Variants in LHFPL3 observed in about 807,000 individuals in gnomAD.
LHFPL3 encodes the protein LHFPL tetraspan subfamily member 3, also known as LHFPL tetraspan subfamily member 3 protein.
A neutral mutation model predicts 19.3 loss-of-function variants in LHFPL3; 5 were observed. The observed-to-expected ratio is 0.26, with a 90% CI of 0.14 to 0.54. The LOEUF is 0.54. Among genes scored for constraint, LHFPL3 ranks in the 20% least tolerant of loss-of-function variants. The pLI, the probability that LHFPL3 is intolerant of heterozygous loss-of-function variation, is 0.94. For missense variants in LHFPL3, 249 were observed against 307.4 expected, an observed-to-expected ratio of 0.81 and a Z score of 1.42; for synonymous variants, 133 against 126.2, an observed-to-expected ratio of 1.05 and a Z score of -0.36.
chr7:104,899,017 C>T (rs951715186), intron 2 of LHFPL3, among the ~76,000 whole-genome samples: 3 of 151,240 alleles, frequency 2.0e-5, no homozygotes, highest in East Asian at 1.9e-4. Context: ...GTGGGAAGAT[C>T]GCTTGAGCCC....
At chr7:104,549,768 G>A (rs373106722) in intron 1 of LHFPL3, among the ~76,000 whole-genome samples, 3 of 152,154 alleles carry the variant, frequency 2.0e-5, no homozygotes, top group Non-Finnish European at 2.9e-5. Context: ...ATTATGTTGA[G>A]TGGGCACTGG....
In LHFPL3 at chr7:104,359,826, G is replaced by T. The variant is rs77978181; in HGVS notation, c.445+30602G>T. Among the ~76,000 whole-genome samples, 1,010 of 152,378 alleles carry T rather than the reference G, an allele frequency of 6.6e-3. 68 individuals carry two copies. The East Asian group carries it at 0.16, about 24-fold the overall frequency. ...GGCATGCTCCAGTCGGGCTGGCCTA[G>T]CTCTTGGGAACACCTATTGAAAGAC... On this transcript the variant is annotated intron_variant, in intron 1 of 2. Coordinates refer to ENST00000424859, the MANE Select transcript of LHFPL3 (RefSeq NM_199000.3).
chr7:104,548,508 A>G (rs1158640810), intron 1 of LHFPL3, among the ~76,000 whole-genome samples: 2 of 152,192 alleles, frequency 1.3e-5, no homozygotes, highest in Non-Finnish European at 2.9e-5. Context: ...TCTAGCCAAC[A>G]ATCTGATTGG....
At chr7:104,457,464 A>G (rs1584332628) in intron 1 of LHFPL3, among the ~76,000 whole-genome samples, 1 of 152,082 alleles carries the variant, frequency 6.6e-6, no homozygotes. Context: ...TTATGGCTGC[A>G]TAGTATTCCA....
chr7:104,871,578 A>G (rs1791838609), intron 2 of LHFPL3, among the ~76,000 whole-genome samples: 1 of 152,212 alleles, frequency 6.6e-6, no homozygotes, highest in Non-Finnish European at 1.5e-5. Flanking sequence ...TTTACTTTGT[A>G]AAGTTTAATA....
intron 1 of LHFPL3, among the ~76,000 whole-genome samples, chr7:104,550,833 T>C (rs1201928382): frequency 1.3e-5 from 2 of 152,244 alleles, no homozygotes; most frequent in East Asian, 1.9e-4. Context: ...TAGATTTTCC[T>C]TTAAAGTTAT....
intron 1 of LHFPL3, among the ~76,000 whole-genome samples, chr7:104,612,278 G>T (rs1377837791): frequency 6.6e-6 from 1 of 152,068 alleles, no homozygotes; most frequent in Non-Finnish European, 1.5e-5. Flanking sequence ...TTTCATATTT[G>T]TAAACTGCTG....
intron 2 of LHFPL3, among the ~76,000 whole-genome samples, chr7:104,768,140 GA>G (rs11362068): frequency 0.91 from 120,387 of 132,340 alleles, 55,188 homozygotes; most frequent in Middle Eastern, 0.98. Context: ...TTATTCTCGT[GA>G]AAAAAAAAAA....
intron 1 of LHFPL3, among the ~76,000 whole-genome samples, chr7:104,364,452 A>T (rs1025523267): frequency 6.6e-6 from 1 of 152,238 alleles, no homozygotes; most frequent in African/African-American, 2.4e-5. Context: ...AGTTCAAACA[A>T]TTGCAAAGCT....
chr7:104,848,019 A>G (rs1791343075), intron 2 of LHFPL3, among the ~76,000 whole-genome samples: 1 of 152,200 alleles, frequency 6.6e-6, no homozygotes, highest in Non-Finnish European at 1.5e-5. Context: ...AAAATCACAG[A>G]AGTGGATCAT....
At chr7:104,900,506 C>T (rs987792528) in intron 2 of LHFPL3, among the ~76,000 whole-genome samples, 2 of 152,204 alleles carry the variant, frequency 1.3e-5, no homozygotes, top group African/African-American at 4.8e-5. Context: ...CGAAGATCTG[C>T]ATAAGTAGCT....
intron 1 of LHFPL3, among the ~76,000 whole-genome samples, chr7:104,574,594 C>G (rs1790287590): frequency 1.3e-5 from 2 of 152,164 alleles, no homozygotes; most frequent in African/African-American, 4.8e-5. Context: ...CTAGAAAATA[C>G]AGTTTTCAAA....
chr7:104,473,756 A>G (rs1157610925), intron 1 of LHFPL3, among the ~76,000 whole-genome samples: 1 of 152,262 alleles, frequency 6.6e-6, no homozygotes, highest in African/African-American at 2.4e-5. Flanking sequence ...TGCCTTGCAC[A>G]TAGAAAGCAC....
chr7:104,335,784 G>C (rs956473210), intron 1 of LHFPL3, among the ~76,000 whole-genome samples: 1 of 151,268 alleles, frequency 6.6e-6, no homozygotes, highest in Non-Finnish European at 1.5e-5. Flanking sequence ...TCAGGAAAGA[G>C]GATCCAGATG....
chr7:104,569,766 A>G (rs892852459), intron 1 of LHFPL3, among the ~76,000 whole-genome samples: 1 of 152,162 alleles, frequency 6.6e-6, no homozygotes, highest in Non-Finnish European at 1.5e-5. Context: ...TCCCTGTTGT[A>G]TAGAACACAA....
At chr7:104,581,852 C>G (rs1790467693) in intron 1 of LHFPL3, among the ~76,000 whole-genome samples, 1 of 151,922 alleles carries the variant, frequency 6.6e-6, no homozygotes, top group Non-Finnish European at 1.5e-5. Flanking sequence ...TTTGTCTATT[C>G]TTACGCCATT....
chr7:104,597,763 A>T (rs1562946046), intron 1 of LHFPL3, among the ~76,000 whole-genome samples: 1 of 152,206 alleles, frequency 6.6e-6, no homozygotes, highest in Non-Finnish European at 1.5e-5. Flanking sequence ...CCCTTTGCTT[A>T]TATGTGAGGG....
intron 1 of LHFPL3, among the ~76,000 whole-genome samples, chr7:104,612,513 T>A (rs1258466967): frequency 1.3e-5 from 2 of 152,092 alleles, no homozygotes; most frequent in African/African-American, 4.8e-5. Flanking sequence ...AATAAAGACA[T>A]CTCATAAATT....
intron 1 of LHFPL3, among the ~76,000 whole-genome samples, chr7:104,553,022 T>A (rs1353906932): frequency 6.6e-6 from 1 of 152,198 alleles, no homozygotes; most frequent in Non-Finnish European, 1.5e-5. Flanking sequence ...CTAATATCCA[T>A]AAAGCCCTTA....
Sources: gnomAD v4.1 joint callset for allele counts (sites outside exome capture counted in the v4.1 genomes callset) on GRCh38, gnomAD v4.1.1 for gene constraint, MANE v1.5 for transcripts, NCBI Gene and HGNC (gene_info 2026-07-23, HGNC 2026-07-21) for gene names.